SERPINA7: variants seen among roughly 807,000 people sequenced by gnomAD.
SERPINA7 encodes serpin family A member 7.
A neutral mutation model predicts 16.0 loss-of-function variants in SERPINA7; 14 were observed. The observed-to-expected ratio is 0.88, with a 90% CI of 0.58 to 1.37. The LOEUF (loss-of-function observed/expected upper bound fraction) is 1.37. Among genes scored for constraint, SERPINA7 ranks in the 40% most tolerant of loss-of-function variants. The probability of loss-of-function intolerance (pLI) is 0.00; values close to 1 mark genes in which losing one functional copy is unlikely to be tolerated. For synonymous variants in SERPINA7, 140 were observed against 111.0 expected, an observed-to-expected ratio of 1.26 and a Z score of -1.65; for missense variants, 335 against 296.6, an observed-to-expected ratio of 1.13 and a Z score of -0.95.
intron 1 of SERPINA7, 54 bp from the exon 2 acceptor site, chrX:106,037,129 T>A: frequency 1.0e-6 from 1 of 987,145 alleles, no homozygotes; most frequent in Non-Finnish European, 1.4e-6. Context: ...GATGAAACAC[T>A]CCCTGAGCCA....
In SERPINA7 at chrX:106,036,968, G is replaced by T; in HGVS notation, c.91C>A (p.His31Asn). The change falls in exon 2 of 5, where the codon CAT becomes AAT. Residue 31 changes from histidine (H) to asparagine (N), a missense_variant. By Grantham distance (68) the His-to-Asn change is moderately conservative (BLOSUM62 1). Coordinates refer to ENST00000372563, the MANE Select transcript of SERPINA7 (RefSeq NM_000354.6). ...ASPEGKVTAC[H>N]SSQPNATLYK... ...AGAGTGGCATTTGGTTGGGATGAAT[G>T]GCAGGCTGTTACTTTGCCTTCAGGT... 8.3e-7 allele frequency: 1 copy of T among 1,210,930 alleles called. No individual in the cohort carries two copies. The highest frequency in any genetic ancestry group is 1.1e-6 in the Non-Finnish European group (1 of 894,891).
rs766622894 is a variant in SERPINA7 at position 106,034,343 on chromosome X, G to A, written c.936C>T (p.Ala312=). The change falls in exon 4 of 5, where the codon GCC becomes GCT. Residue 312 remains alanine, a synonymous_variant. Coordinates refer to ENST00000372563, the MANE Select transcript of SERPINA7 (RefSeq NM_000354.6). ...DLFVPKFSIS[A]TYDLGATLLK... ...AAAGTGTGGCTCCAAGGTCATATGT[G>A]GCAGAAATGGAAAACTTTGGAACAA... The A allele has an allele frequency of 8.3e-7, 1 of 1,207,659 alleles. No homozygotes were observed. The highest frequency in any genetic ancestry group is 1.1e-6 in the Non-Finnish European group (1 of 892,003).
At position 106,033,039 on chromosome X, in the gene SERPINA7, C is replaced by T. The variant is rs1269168308; in HGVS notation, c.*461G>A. 6 of 156,916 alleles carry T rather than the reference C, an allele frequency of 3.8e-5. No individual in the cohort carries two copies. The highest frequency in any genetic ancestry group is 3.0e-4 in the Admixed American group (4 of 13,139). The allele number at this position is 156,916 out of a possible 1,213,427, so 12.9% of individuals were successfully genotyped here. ...CTACCAGTGTCAGATCTGGCAAGAA[C>T]TCAGAGAATCCTACTAATGGGACAG... is the stretch of plus-strand genomic sequence containing the variant. On this transcript the variant is annotated 3_prime_UTR_variant, in exon 5 of 5. Transcript: ENST00000372563.
Position 106,035,273 on chromosome X carries a change from A to G in SERPINA7, c.735T>C (p.Tyr245=). 2 of 1,211,047 alleles carry G rather than the reference A, an allele frequency of 1.7e-6. No individual in the cohort carries two copies. Among genetic ancestry groups the G allele is most frequent in the African/African-American group, 3.5e-5 (2 of 57,758 alleles). Residue 245 remains tyrosine, a synonymous_variant, in exon 3 of 5, where the codon TAT becomes TAC. Coordinates refer to ENST00000372563, the MANE Select transcript of SERPINA7 (RefSeq NM_000354.6). ...AGTTCAATTCCATATCCACTAGGTGATAGTATTGTTCCATCTGGTGCATCA... is the reference window on the plus strand; with the variant it reads ...AGTTCAATTCCATATCCACTAGGTGGTAGTATTGTTCCATCTGGTGCATCA... ...VPMMHQMEQY[Y]HLVDMELNCT...
rs2234031 is a variant in SERPINA7, at chrX:106,038,161, G to T, written c.-18+537C>A. On this transcript the variant is annotated intron_variant, in intron 1 of 4. Transcript: ENST00000372563. The stretch of plus-strand genomic sequence containing the variant: ...TCAGTCTCAATAAGAAAATCTCAAA[G>T]TTGCCAGATGTAAACATATCATCTC... Among the ~76,000 whole-genome samples the T allele has an allele frequency of 5.9e-4, 65 of 111,067 alleles. No individual in the cohort carries two copies. The East Asian group carries it at 0.015, about 26-fold the overall frequency.
At chrX:106,035,064 T>G in intron 3 of SERPINA7, 48 bp downstream of exon 3, 13 of 1,200,084 alleles carry the variant, frequency 1.1e-5, no homozygotes, top group Non-Finnish European at 1.5e-5. Flanking sequence ...CTGTCTCACC[T>G]GCACTTTTAT....
At position 106,036,786 on chromosome X, in the gene SERPINA7, C is replaced by T. The variant is rs1318130002; in HGVS notation, c.273G>A (p.Glu91=). The T allele has an allele frequency of 2.5e-6, 3 of 1,211,164 alleles. No individual in the cohort carries two copies. Among genetic ancestry groups the T allele is most frequent in the Non-Finnish European group, 3.4e-6 (3 of 895,239 alleles). Residue 91 remains glutamate, a synonymous_variant, in exon 2 of 5, where the codon GAG becomes GAA. Transcript: ENST00000372563. ...SFGACCSTQT[E]IVETLGFNLT... ...GGTTGAACCCCAAGGTCTCCACAAT[C>T]TCAGTTTGGGTGCTGCAGCAGGCCC...
chrX:106,033,301 T>A lies in SERPINA7; in HGVS notation c.*199A>T. 2.1e-6 allele frequency: 1 copy of A among 467,697 alleles called. No homozygotes were observed. Among genetic ancestry groups the A allele is most frequent in the Non-Finnish European group, 3.8e-6 (1 of 265,903 alleles). The allele number at this position is 467,697 out of a possible 1,213,427, so 38.5% of individuals were successfully genotyped here. On this transcript the variant is annotated 3_prime_UTR_variant, in exon 5 of 5. Transcript: ENST00000372563. ...AGCCTTCCTATGCTTTGGATAATAA[T>A]GAATTACTCATTGACATTCTGAATG...
At chrX:106,037,996 C>G (rs1453503490) in intron 1 of SERPINA7, among the ~76,000 whole-genome samples, 2 of 111,071 alleles carry the variant, frequency 1.8e-5, no homozygotes, top group Non-Finnish European at 3.8e-5. Context: ...CTTCCTCCAC[C>G]CTCCATCTTC....
chrX:106,033,271 CAT>C lies in SERPINA7; in HGVS notation c.*227_*228del. Reference sequence around the variant, plus strand: ...ATTCTGACAAAGAGAAATATACAAACATAGAGCCTTCCTATGCTTTGGATAAT... The same window carrying C: ...ATTCTGACAAAGAGAAATATACAAACAGAGCCTTCCTATGCTTTGGATAAT... On this transcript the variant is annotated 3_prime_UTR_variant, in exon 5 of 5. Coordinates refer to ENST00000372563, the MANE Select transcript of SERPINA7 (RefSeq NM_000354.6). 4.7e-6 allele frequency: 2 copies of C among 424,462 alleles called. No homozygotes were observed. Among genetic ancestry groups the C allele is most frequent in the Admixed American group, 7.8e-5 (2 of 25,718 alleles). The allele number at this position is 424,462 out of a possible 1,213,427, so 35.0% of individuals were successfully genotyped here. A position where few individuals can be genotyped will look rare whatever the true frequency, so the allele number is the denominator to read the frequency against.
intron 4 of SERPINA7, 105 bp from the exon 5 acceptor site, chrX:106,033,808 C>T: frequency 8.5e-7 from 1 of 1,180,963 alleles, no homozygotes; most frequent in Non-Finnish European, 1.1e-6. Context: ...CGCCCCTTTG[C>T]TATACTATGT....
intron 1 of SERPINA7, among the ~76,000 whole-genome samples, chrX:106,037,683 G>A (rs2234032): frequency 7.9e-4 from 88 of 111,477 alleles, no homozygotes; most frequent in Non-Finnish European, 1.5e-3. Context: ...GGAAGCCATA[G>A]AGGTATTTTC....
chrX:106,037,749 A>G (rs1243495746), intron 1 of SERPINA7, among the ~76,000 whole-genome samples: 1 of 111,818 alleles, frequency 8.9e-6, no homozygotes, highest in Non-Finnish European at 1.9e-5. Context: ...TTTCACCATT[A>G]ATCTTAGTAA....
rs1359823913 is a variant in SERPINA7 at position 106,032,687 on chromosome X, T to C, written c.*813A>G. ...GTAGAGGGAAGGTTGTTGAAGGATC[T>C]GGGGATACAAAAGTACCAATATTCA... On this transcript the variant is annotated 3_prime_UTR_variant, in exon 5 of 5. Transcript: ENST00000372563. 1.8e-5 allele frequency: 2 copies of C among 111,184 alleles called. No individual in the cohort carries two copies. Among genetic ancestry groups the C allele is most frequent in the Non-Finnish European group, 3.8e-5 (2 of 52,984 alleles). The allele number at this position is 111,184 out of a possible 1,213,427, so 9.2% of individuals were successfully genotyped here. A position where few individuals can be genotyped will look rare whatever the true frequency, so the allele number is the denominator to read the frequency against.
chrX:106,033,526 TCCCTAGAAAGAGAATACTC>T lies in SERPINA7; in HGVS notation c.1203_1221del (p.Ser402LysfsTer3), dbSNP rs765816848. On this transcript the variant is annotated frameshift_variant, in exon 5 of 5. Coordinates refer to ENST00000372563, the MANE Select transcript of SERPINA7 (RefSeq NM_000354.6). LOFTEE classifies it high-confidence loss of function. ...TACGCTTCCGTTGGGTTCACAACTT[TCCCTAGAAAGAGAATACTC>T]CTTGTGCTTCTCTCCAAAATCAACA... The T allele has an allele frequency of 4.1e-5, 50 of 1,209,763 alleles. No individual in the cohort carries two copies. Among genetic ancestry groups the T allele is most frequent in the Non-Finnish European group, 5.3e-5 (47 of 894,977 alleles).
Position 106,033,628 on chromosome X carries a change from C to T in SERPINA7, c.1120G>A (p.Asp374Asn), listed in dbSNP as rs757347120. The part of the protein sequence containing the change: ...AAAVPEVELS[D>N]QPENTFLHPI... Reference sequence around the variant, plus strand: ...TGTAGGAAAGTGTTTTCAGGCTGATCCGAAAGTTCAACTTCAGGGACAGCT... The same window carrying T: ...TGTAGGAAAGTGTTTTCAGGCTGATTCGAAAGTTCAACTTCAGGGACAGCT... Residue 374 changes from aspartate (D) to asparagine (N), a missense_variant, in exon 5 of 5, where the codon GAT becomes AAT. By Grantham distance (23) the Asp-to-Asn change is conservative. Coordinates refer to ENST00000372563, the MANE Select transcript of SERPINA7 (RefSeq NM_000354.6). 9.9e-6 allele frequency: 12 copies of T among 1,211,331 alleles called. No homozygotes were observed. Among genetic ancestry groups the T allele is most frequent in the Non-Finnish European group, 1.3e-5 (12 of 895,283 alleles).
chrX:106,035,427 T>G (rs1454471214), intron 2 of SERPINA7, 42 bp from the exon 3 acceptor site: 1 of 1,152,896 alleles, frequency 8.7e-7, no homozygotes, highest in South Asian at 1.8e-5. Flanking sequence ...TTTAAACCGG[T>G]ATCAGTACCA....
Position 106,032,638 on chromosome X carries a change from G to T in SERPINA7, c.*862C>A, listed in dbSNP as rs910833749. The T allele has an allele frequency of 4.5e-5, 5 of 111,048 alleles. No individual in the cohort carries two copies. Among genetic ancestry groups the T allele is most frequent in the Admixed American group, 9.6e-5 (1 of 10,391 alleles). The allele number at this position is 111,048 out of a possible 1,213,427, so 9.2% of individuals were successfully genotyped here. A position where few individuals can be genotyped will look rare whatever the true frequency, so the allele number is the denominator to read the frequency against. On this transcript the variant is annotated 3_prime_UTR_variant, in exon 5 of 5. Transcript: ENST00000372563. ...TCTGAAATAAAATCTAGTTTGGTAG[G>T]TGGTAATGAGTTGGCATGTACAGGT...
At chrX:106,036,358 T>C (rs963760561) in intron 2 of SERPINA7, 79 bp downstream of exon 2, 1 of 1,065,732 alleles carries the variant, frequency 9.4e-7, no homozygotes, top group Non-Finnish European at 1.3e-6. Context: ...ATGCCAGTAA[T>C]AAGAGACCAT....
Sources: allele counts gnomAD v4.1 joint callset (sites outside exome capture counted in the v4.1 genomes callset), GRCh38; gene constraint gnomAD v4.1.1; transcripts MANE v1.5; gene names NCBI Gene and HGNC (gene_info 2026-07-23, HGNC 2026-07-21).